The following CEP63 variants were observed in gnomAD, a reference collection of about 807,000 sequenced individuals.
The protein encoded by CEP63 is centrosomal protein 63.
In CEP63, 84 loss-of-function variants were observed where a neutral mutation model predicts 89.1. The observed-to-expected ratio is 0.94, with a 90% CI of 0.79 to 1.13. The LOEUF is 1.13. Ranked by LOEUF, CEP63 falls within the 50% of genes most tolerant of loss-of-function variation. The pLI, the probability that CEP63 is intolerant of heterozygous loss-of-function variation, is 0.00. For missense variants in CEP63, 838 were observed against 813.3 expected (o/e 1.03, Z -0.37); for synonymous variants, 267 against 272.5 (o/e 0.98, Z 0.20).
At chr3:134,708,440 TG>T in the CEP63 span, among the ~76,000 whole-genome samples, 1 of 152,192 alleles carries the variant, frequency 6.6e-6, no homozygotes, top group Non-Finnish European at 1.5e-5. Context: ...GTGATAGAAT[TG>T]GTCATGAAGG....
intron 6 of CEP63, among the ~76,000 whole-genome samples, chr3:134,542,800 T>C (rs1024016478): frequency 1.3e-5 from 2 of 152,158 alleles, no homozygotes; most frequent in Admixed American, 1.3e-4. Context: ...TAAACTGCCT[T>C]CTTGATTGCT....
chr3:134,529,946 T>C (rs1298239330), intron 3 of CEP63, among the ~76,000 whole-genome samples: 1 of 145,710 alleles, frequency 6.9e-6, no homozygotes, highest in Non-Finnish European at 1.5e-5. Flanking sequence ...CGATCTGGGC[T>C]CACTGCAAGC....
chr3:134,570,479 A>G (rs908696706), intron 11 of CEP63, among the ~76,000 whole-genome samples: 1 of 152,206 alleles, frequency 6.6e-6, no homozygotes, highest in African/African-American at 2.4e-5. Context: ...CTCTGCTAAA[A>G]CATAGCAAGA....
chr3:134,764,430 AC>A, the CEP63 span, among the ~76,000 whole-genome samples: 1 of 152,040 alleles, frequency 6.6e-6, no homozygotes, highest in Non-Finnish European at 1.5e-5. Flanking sequence ...AATAATTCTG[AC>A]CCTTGTTGTG....
At chr3:134,494,001 A>G (rs764258329) in intron 1 of CEP63, among the ~76,000 whole-genome samples, 2 of 152,200 alleles carry the variant, frequency 1.3e-5, no homozygotes, top group Non-Finnish European at 2.9e-5. Flanking sequence ...GGCGAGAAGC[A>G]TACACATATT....
the CEP63 span, chr3:134,608,253 G>A: frequency 1.8e-5 from 22 of 1,195,240 alleles, no homozygotes; most frequent in Non-Finnish European, 2.3e-5. Context: ...GTGTAGCCAG[G>A]GTGACGTAGT....
At chr3:134,615,348 GC>G in the CEP63 span, 2 of 87,170 alleles carry the variant, frequency 2.3e-5, no homozygotes, top group Non-Finnish European at 4.4e-5. Flanking sequence ...AGTTCAAGAA[GC>G]TTTTTTTTTT....
intron 3 of CEP63, among the ~76,000 whole-genome samples, chr3:134,521,499 G>A (rs572077343): frequency 5.8e-4 from 88 of 152,080 alleles, no homozygotes; most frequent in Non-Finnish European, 1.1e-3. Context: ...TAGCATGTTT[G>A]CTTTCTGCTT....
At chr3:134,638,378 C>A in the CEP63 span, among the ~76,000 whole-genome samples, 84 of 152,236 alleles carry the variant, frequency 5.5e-4, no homozygotes, top group Non-Finnish European at 1.0e-3. Flanking sequence ...AGATCTAAAC[C>A]CTAAGTACAG....
the CEP63 span, among the ~76,000 whole-genome samples, chr3:134,768,124 G>A: frequency 6.6e-6 from 1 of 152,140 alleles, no homozygotes; most frequent in South Asian, 2.1e-4. Context: ...AGATCACAGG[G>A]CTTTTATACA....
chr3:134,498,415 C>T (rs1940862278), intron 2 of CEP63, among the ~76,000 whole-genome samples: 1 of 152,028 alleles, frequency 6.6e-6, no homozygotes, highest in South Asian at 2.1e-4. Flanking sequence ...TTGTATTCTG[C>T]AACTTTACTG....
the CEP63 span, among the ~76,000 whole-genome samples, chr3:134,683,197 C>T: frequency 7.2e-5 from 11 of 152,284 alleles, no homozygotes; most frequent in Admixed American, 2.0e-4. Context: ...AGCAAAGAGG[C>T]CTTGCATGGT....
chr3:134,519,504 T>C (rs1365074641), intron 3 of CEP63, among the ~76,000 whole-genome samples: 2 of 152,182 alleles, frequency 1.3e-5, no homozygotes, highest in Admixed American at 6.5e-5. Flanking sequence ...CATTGGTGAA[T>C]TCTACCAGAC....
At chr3:134,661,031 C>T in the CEP63 span, among the ~76,000 whole-genome samples, 1 of 152,116 alleles carries the variant, frequency 6.6e-6, no homozygotes, top group Non-Finnish European at 1.5e-5. Context: ...TGTCAGCTAC[C>T]CACTTCCTCA....
At chr3:134,649,002 G>C in the CEP63 span, among the ~76,000 whole-genome samples, 1 of 152,134 alleles carries the variant, frequency 6.6e-6, no homozygotes, top group Non-Finnish European at 1.5e-5. Flanking sequence ...CCTCCCTTAG[G>C]CTGTTTTTCG....
chr3:134,619,380 G>GTAGTTCCATTCAGCCC, the CEP63 span: 1 of 757,598 alleles, frequency 1.3e-6, no homozygotes, highest in African/African-American at 1.7e-5. Context: ...ACAGTGGGCT[G>GTAGTTCCATTCAGCCC]AATGGAACTA....
chr3:134,699,147 G>A, the CEP63 span, among the ~76,000 whole-genome samples: 1 of 152,176 alleles, frequency 6.6e-6, no homozygotes, highest in Non-Finnish European at 1.5e-5. Flanking sequence ...GGACTGCCCT[G>A]GATAAACATA....
rs1301276728 is a variant in CEP63, at chr3:134,554,062, TG to T, written c.1467+2051del. Among the ~76,000 whole-genome samples, 12 of 152,328 alleles carry T rather than the reference TG, an allele frequency of 7.9e-5. No homozygotes were observed. In the South Asian group the frequency reaches 2.3e-3, roughly 29 times the overall value. ...AAACTGTCATGAAAGGATTTATTTT[TG>T]TTCTATTTTATTTTTATTTTTTTCC... On this transcript the variant is annotated intron_variant, in intron 12 of 14. Transcript: ENST00000675561.
chr3:134,717,345 C>A, the CEP63 span, among the ~76,000 whole-genome samples: 1 of 152,210 alleles, frequency 6.6e-6, no homozygotes, highest in Non-Finnish European at 1.5e-5. Context: ...CACTGCATAA[C>A]TGGGTAGTGT....
Sources: allele counts gnomAD v4.1 joint callset (sites outside exome capture counted in the v4.1 genomes callset), GRCh38; gene constraint gnomAD v4.1.1; transcripts MANE v1.5; gene names NCBI Gene and HGNC (gene_info 2026-07-23, HGNC 2026-07-21).